Variants in MEGF6 observed in about 807,000 individuals in gnomAD.
The protein encoded by MEGF6 is multiple epidermal growth factor-like domains protein 6.
Under a neutral mutation model 207.1 loss-of-function variants are expected in MEGF6, and 184 were observed. That is an observed-to-expected ratio of 0.89 (90% CI 0.79 to 1.00). The LOEUF is 1.00. Among genes scored for constraint, MEGF6 ranks in the 50% least tolerant of loss-of-function variants. The pLI is 0.00. For missense variants in MEGF6, 2,282 were observed against 2,202.9 expected (o/e 1.04, Z -0.72); for synonymous variants, 1,038 against 910.0 (o/e 1.14, Z -2.53).
intron 2 of MEGF6, among the ~76,000 whole-genome samples, chr1:3,602,172 C>A (rs1047604843): frequency 2.0e-5 from 3 of 152,202 alleles, no homozygotes; most frequent in Non-Finnish European, 4.4e-5. Flanking sequence ...CCACTCTCCC[C>A]TTCCTGCGTG....
chr1:3,490,284 G>A lies in MEGF6; in HGVS notation c.*244C>T. On this transcript the variant is annotated 3_prime_UTR_variant, in exon 37 of 37. Transcript: ENST00000356575. ...CAGCCCAGGCCCAGAGCGTGCCCCTGGGTTCTGCAGAGCCAGGCCAGGAGG... is the reference window on the plus strand; with the variant it reads ...CAGCCCAGGCCCAGAGCGTGCCCCTAGGTTCTGCAGAGCCAGGCCAGGAGG... The A allele has an allele frequency of 1.8e-6, 1 of 554,122 alleles. No homozygotes were observed. The highest frequency in any genetic ancestry group is 3.2e-6 in the Non-Finnish European group (1 of 316,224). The allele number at this position is 554,122 out of a possible 1,614,324, so 34.3% of individuals were successfully genotyped here.
Position 3,539,833 on chromosome 1 carries a change from G to A in MEGF6, c.482-15587C>T, listed in dbSNP as rs1036838948. On this transcript the variant is annotated intron_variant, in intron 4 of 36. Coordinates refer to ENST00000356575, the MANE Select transcript of MEGF6 (RefSeq NM_001409.4). Reference sequence around the variant, plus strand: ...TTCCCAACAGATGGCTCCCGGGCCAGGCCAGGGTCCCAGGGTGCGCTGAGC... The same window carrying A: ...TTCCCAACAGATGGCTCCCGGGCCAAGCCAGGGTCCCAGGGTGCGCTGAGC... Among the ~76,000 whole-genome samples, 3 of 152,202 alleles carry A rather than the reference G, an allele frequency of 2.0e-5. No homozygotes were observed. The East Asian group carries it at 5.8e-4, about 29-fold the overall frequency.
intron 3 of MEGF6, among the ~76,000 whole-genome samples, chr1:3,581,422 G>T (rs1292637122): frequency 6.6e-6 from 1 of 152,168 alleles, no homozygotes; most frequent in Non-Finnish European, 1.5e-5. Flanking sequence ...ACGCGATAGG[G>T]TGGGGGCCAG....
intron 1 of MEGF6, among the ~76,000 whole-genome samples, chr1:3,605,932 G>A (rs977704708): frequency 3.3e-5 from 5 of 152,172 alleles, no homozygotes; most frequent in Non-Finnish European, 5.9e-5. Context: ...TGGCACCCCC[G>A]TGCTTCCTGC....
intron 17 of MEGF6, 54 bp from the exon 18 acceptor site, chr1:3,501,975 A>G: frequency 2.8e-6 from 3 of 1,077,586 alleles, no homozygotes; most frequent in Non-Finnish European, 3.4e-6. Context: ...TGGACTGACC[A>G]GAGCCTTTCC....
intron 5 of MEGF6, among the ~76,000 whole-genome samples, chr1:3,517,895 T>C (rs1441284473): frequency 6.6e-6 from 1 of 152,238 alleles, no homozygotes; most frequent in East Asian, 1.9e-4. Flanking sequence ...TCTTTAATAC[T>C]GAAGTGGTGT....
At position 3,537,710 on chromosome 1, in the gene MEGF6, C is replaced by T. The variant is rs1006222390; in HGVS notation, c.482-13464G>A. On this transcript the variant is annotated intron_variant, in intron 4 of 36. Transcript: ENST00000356575. The stretch of plus-strand genomic sequence containing the variant: ...AAAAGCAAGTGTGAGATTCTTGGTC[C>T]TCTCATCCCACCCCTGCCCTGGGCA... Among the ~76,000 whole-genome samples the T allele has an allele frequency of 3.3e-5, 5 of 152,358 alleles. No homozygotes were observed. In the East Asian group the frequency reaches 9.6e-4, roughly 29 times the overall value.
In MEGF6 at chr1:3,573,251, T is replaced by C. The variant is rs1022603858; in HGVS notation, c.481+6574A>G. 1.9e-4 allele frequency among the ~76,000 whole-genome samples: 29 copies of C among 152,140 alleles called. No individual in the cohort carries two copies. The highest frequency in any genetic ancestry group is 3.1e-4 in the Non-Finnish European group (21 of 67,974). ...GGGTTCCCCCAGGTTTGCTGGGTCCTCCCAGGTGTGCTGGGTCCCCCCGCC... is the reference window on the plus strand; with the variant it reads ...GGGTTCCCCCAGGTTTGCTGGGTCCCCCCAGGTGTGCTGGGTCCCCCCGCC... On this transcript the variant is annotated intron_variant, in intron 4 of 36. Transcript: ENST00000356575. The surrounding 1 kb of genome is among the most constrained non-coding windows in gnomAD (Gnocchi z 5.1).
chr1:3,509,875 C>T lies in MEGF6; in HGVS notation c.1352G>A (p.Cys451Tyr). 6 of 1,553,510 alleles carry T rather than the reference C, an allele frequency of 3.9e-6. No individual in the cohort carries two copies. Among genetic ancestry groups the T allele is most frequent in the Non-Finnish European group, 3.5e-6 (4 of 1,150,628 alleles). The change falls in exon 11 of 37, where the codon TGC (cysteine) becomes TAC (tyrosine). Residue 451 changes from cysteine (C) to tyrosine (Y), a missense_variant. Physicochemically the swap from Cys to Tyr is radical, Grantham distance 194. Transcript: ENST00000356575. ...GCGGAGGGCGGGAGACTCACGGCTG[C>T]AGCCCCTACGGTCCTCGTGCAGCCG... Reference protein sequence around the residue: ...GYRLHEDRRGCSPLEEPMVDL... With the variant: ...GYRLHEDRRGYSPLEEPMVDL...
chr1:3,596,073 G>A (rs1278056591), intron 2 of MEGF6, among the ~76,000 whole-genome samples: 1 of 152,140 alleles, frequency 6.6e-6, no homozygotes, highest in Non-Finnish European at 1.5e-5. Flanking sequence ...CCTGGAGGAA[G>A]CAGTTAGGGG....
At chr1:3,530,964 T>C (rs1642136047) in intron 4 of MEGF6, 1 of 1,327,428 alleles carries the variant, frequency 7.5e-7, no homozygotes, top group Non-Finnish European at 9.7e-7. Context: ...CCCGCCCTGC[T>C]CCCTCCAGCC....
intron 3 of MEGF6, among the ~76,000 whole-genome samples, chr1:3,585,696 ATATGTCCTGTGTGTGGGTG>A (rs1643883718): frequency 7.9e-6 from 1 of 127,110 alleles, no homozygotes; most frequent in African/African-American, 3.1e-5. Context: ...TGGGTGTGAC[ATATGTCCTGTGTGTGGGTG>A]TGAGGACGCA....
chr1:3,588,441 AGAGGC>A (rs1643927629), intron 3 of MEGF6, among the ~76,000 whole-genome samples: 1 of 63,682 alleles, frequency 1.6e-5, no homozygotes. Context: ...AGGGGGCAGG[AGAGGC>A]CAGGAGGGGG....
upstream of MEGF6, among the ~76,000 whole-genome samples, chr1:3,613,063 A>G (rs772681057): frequency 9.9e-5 from 15 of 152,198 alleles, no homozygotes; most frequent in Non-Finnish European, 1.8e-4. Flanking sequence ...ATTGACAGGC[A>G]CAAAATAGCC....
chr1:3,548,463 T>G (rs1230082092), intron 4 of MEGF6, among the ~76,000 whole-genome samples: 1 of 152,234 alleles, frequency 6.6e-6, no homozygotes, highest in East Asian at 1.9e-4. Context: ...GGGAATTTTT[T>G]GGGAATTCCT....
chr1:3,557,961 G>C (rs12069523), intron 4 of MEGF6, among the ~76,000 whole-genome samples: 3,462 of 152,312 alleles, frequency 0.023, 132 homozygotes, highest in African/African-American at 0.078. Flanking sequence ...TGGGTGGTCT[G>C]CTGTGTAAAG....
intron 4 of MEGF6, among the ~76,000 whole-genome samples, chr1:3,530,435 CCCT>C (rs1275617444): frequency 6.6e-6 from 1 of 152,214 alleles, no homozygotes; most frequent in Non-Finnish European, 1.5e-5. Context: ...CAATTCCACC[CCCT>C]CCTCCAATTC....
rs1056282135 is a variant in MEGF6 at position 3,488,372 on chromosome 1, G to A, written c.*2156C>T. Among the ~76,000 whole-genome samples, 6 of 152,146 alleles carry A rather than the reference G, an allele frequency of 3.9e-5. No individual in the cohort carries two copies. Among genetic ancestry groups the A allele is most frequent in the Admixed American group, 1.3e-4 (2 of 15,280 alleles). On this transcript the variant is annotated 3_prime_UTR_variant, in exon 37 of 37. Transcript: ENST00000356575. ...GTGATTGGTACCTGCCAGGCCCCCC[G>A]TCCACACCCTCACACCATGCTGAGA...
At chr1:3,609,881 A>G (rs1181256133) in intron 1 of MEGF6, among the ~76,000 whole-genome samples, 1 of 152,224 alleles carries the variant, frequency 6.6e-6, no homozygotes, top group Non-Finnish European at 1.5e-5. Context: ...GAGCAGAGAC[A>G]GCGGGACATC....
Sources: gnomAD v4.1 joint callset for allele counts (sites outside exome capture counted in the v4.1 genomes callset) on GRCh38, gnomAD v4.1.1 for gene constraint, Gnocchi (gnomAD v3.1) non-coding constraint, MANE v1.5 for transcripts, NCBI Gene and HGNC (gene_info 2026-07-23, HGNC 2026-07-21) for gene names.